Variants in KPNA3 observed in about 807,000 individuals in gnomAD.
KPNA3 encodes the protein karyopherin subunit alpha 3, also known as importin subunit alpha-4.
In KPNA3, 13 loss-of-function variants were observed where a neutral mutation model predicts 73.8. The observed-to-expected ratio is 0.18, with a 90% CI of 0.11 to 0.28. The LOEUF (loss-of-function observed/expected upper bound fraction) is 0.28. Among genes scored for constraint, KPNA3 ranks in the 10% least tolerant of loss-of-function variants. The pLI is 1.00. For missense variants in KPNA3, 360 were observed against 618.1 expected, an observed-to-expected ratio of 0.58 and a Z score of 4.43; for synonymous variants, 186 against 206.9, an observed-to-expected ratio of 0.90 and a Z score of 0.87.
In KPNA3 at chr13:49,757,691, TACAC is replaced by T. The variant is rs111250503; in HGVS notation, c.70-10702_70-10699del. 1.5e-4 allele frequency among the ~76,000 whole-genome samples: 23 copies of T among 150,544 alleles called. No individual in the cohort carries two copies. The South Asian group carries it at 3.4e-3, about 22-fold the overall frequency. ...TATATGAGATAAATGAAAACTCATC[TACAC>T]ACACACACACACACACAACCTGTAC... On this transcript the variant is annotated intron_variant, in intron 1 of 16. Coordinates refer to ENST00000261667, the MANE Select transcript of KPNA3 (RefSeq NM_002267.4).
intron 1 of KPNA3, among the ~76,000 whole-genome samples, chr13:49,772,333 T>C (rs1171304318): frequency 1.3e-5 from 2 of 152,216 alleles, no homozygotes; most frequent in Non-Finnish European, 2.9e-5. Flanking sequence ...ATCAAGAGAA[T>C]GTGAAGAATG....
intron 2 of KPNA3, among the ~76,000 whole-genome samples, chr13:49,733,293 T>TTTTG (rs1954488200): frequency 7.1e-6 from 1 of 141,810 alleles, no homozygotes; most frequent in Non-Finnish European, 1.6e-5. Flanking sequence ...TTTTTTTTTT[T>TTTTG]TTTTTTTTTT....
Position 49,706,185 on chromosome 13 carries a change from G to A in KPNA3, c.1138-16C>T. On this transcript the variant is annotated splice_polypyrimidine_tract_variant and intron_variant, in intron 13 of 16. Transcript: ENST00000261667. ...CAAAGTCCCCCTGAAGGTTAAAAATGAGATCATAAAATGGACTCTTTATCC... is the reference window on the plus strand; with the variant it reads ...CAAAGTCCCCCTGAAGGTTAAAAATAAGATCATAAAATGGACTCTTTATCC... The A allele has an allele frequency of 6.2e-7, 1 of 1,613,206 alleles. No individual in the cohort carries two copies. The highest frequency in any genetic ancestry group is 8.5e-7 in the Non-Finnish European group (1 of 1,179,714).
intron 10 of KPNA3, among the ~76,000 whole-genome samples, chr13:49,716,875 C>T (rs2137540182): frequency 6.6e-6 from 1 of 152,250 alleles, no homozygotes; most frequent in African/African-American, 2.4e-5. Context: ...TCATTCAATG[C>T]CCAGGTTTTC....
chr13:49,737,712 G>A (rs902900750), intron 2 of KPNA3, among the ~76,000 whole-genome samples: 5 of 152,106 alleles, frequency 3.3e-5, no homozygotes, highest in African/African-American at 1.2e-4. Context: ...GGGCTCAAGA[G>A]TTGTTTTTGC....
intron 6 of KPNA3, among the ~76,000 whole-genome samples, chr13:49,729,791 TAAATAA>T (rs995027855): frequency 3.9e-5 from 6 of 152,054 alleles, no homozygotes; most frequent in African/African-American, 1.4e-4. Flanking sequence ...AAAAAATAAA[TAAATAA>T]AAATAAAAAA....
At chr13:49,724,510 T>C (rs1594437028) in intron 7 of KPNA3, among the ~76,000 whole-genome samples, 3 of 152,108 alleles carry the variant, frequency 2.0e-5, no homozygotes, top group East Asian at 1.9e-4. Context: ...GGTTTCACCA[T>C]GTTAGCAAGG....
intron 1 of KPNA3, among the ~76,000 whole-genome samples, chr13:49,756,485 A>G (rs986050499): frequency 6.6e-6 from 1 of 152,174 alleles, no homozygotes; most frequent in Non-Finnish European, 1.5e-5. Flanking sequence ...TGTGTCCAGG[A>G]GTTCAAGGCT....
At chr13:49,792,364 G>A (rs1387923188) in intron 1 of KPNA3, 74 bp downstream of exon 1, 7 of 1,047,128 alleles carry the variant, frequency 6.7e-6, no homozygotes, top group Non-Finnish European at 7.6e-6. Context: ...CCAGCCCGGC[G>A]CCGGCCCCCC....
chr13:49,725,762 C>G (rs763038986), intron 6 of KPNA3, among the ~76,000 whole-genome samples: 3 of 152,036 alleles, frequency 2.0e-5, no homozygotes, highest in Admixed American at 6.6e-5. Context: ...TCGTCTCCAC[C>G]TCCCAAGTAG....
chr13:49,722,054 A>G lies in KPNA3; in HGVS notation c.627T>C (p.Ser209=). The change falls in exon 9 of 17, where the codon AGT becomes AGC. Residue 209 remains serine, a synonymous_variant. Transcript: ENST00000261667. ...GVVKPLLSFI[S]PSIPITFLRN... The stretch of plus-strand genomic sequence containing the variant: ...GAAGGAAGGTGATGGGGATGGAGGG[A>G]CTGATGAAGGACAGAAGAGGTTTGA... The G allele has an allele frequency of 6.2e-7, 1 of 1,612,062 alleles. No individual in the cohort carries two copies. The highest frequency in any genetic ancestry group is 1.3e-5 in the African/African-American group (1 of 74,958).
intron 1 of KPNA3, among the ~76,000 whole-genome samples, chr13:49,751,381 T>C (rs375665227): frequency 2.6e-5 from 4 of 152,220 alleles, no homozygotes; most frequent in African/African-American, 9.6e-5. Flanking sequence ...ACGGCCACTA[T>C]CTAAGAGTAA....
At chr13:49,778,328 C>T (rs918791684) in intron 1 of KPNA3, among the ~76,000 whole-genome samples, 1 of 152,212 alleles carries the variant, frequency 6.6e-6, no homozygotes, top group Non-Finnish European at 1.5e-5. Flanking sequence ...ACTGTTCAAA[C>T]CATGTTCAAA....
chr13:49,725,341 T>C (rs1241292049), intron 7 of KPNA3, 75 bp downstream of exon 7: 4 of 702,846 alleles, frequency 5.7e-6, no homozygotes, highest in African/African-American at 5.5e-5. Context: ...CAAGATAAAA[T>C]TTCTTTATTA....
At chr13:49,755,865 A>C (rs780946015) in intron 1 of KPNA3, among the ~76,000 whole-genome samples, 1 of 152,212 alleles carries the variant, frequency 6.6e-6, no homozygotes, top group Non-Finnish European at 1.5e-5. Flanking sequence ...GGAATATACC[A>C]AAAACTTTCC....
At chr13:49,761,714 G>A (rs1225345567) in intron 1 of KPNA3, among the ~76,000 whole-genome samples, 4 of 152,072 alleles carry the variant, frequency 2.6e-5, no homozygotes, top group Non-Finnish European at 5.9e-5. Context: ...TCTGGGATGT[G>A]AGGAGCCCCT....
chr13:49,723,144 TCA>T (rs1354914379), intron 7 of KPNA3, among the ~76,000 whole-genome samples: 2 of 152,144 alleles, frequency 1.3e-5, no homozygotes, highest in Non-Finnish European at 2.9e-5. Context: ...TTAAATTAAT[TCA>T]GTTTTAACAA....
At chr13:49,782,819 GC>G (rs1954951908) in intron 1 of KPNA3, among the ~76,000 whole-genome samples, 1 of 151,758 alleles carries the variant, frequency 6.6e-6, no homozygotes, top group Admixed American at 6.6e-5. Flanking sequence ...CCGTGATTGT[GC>G]CACTGTACTC....
intron 2 of KPNA3, among the ~76,000 whole-genome samples, chr13:49,743,975 C>G (rs1954595230): frequency 6.6e-6 from 1 of 152,136 alleles, no homozygotes; most frequent in South Asian, 2.1e-4. Flanking sequence ...AATGAAAATC[C>G]AGACAAAAAA....
Sources: allele counts gnomAD v4.1 joint callset (sites outside exome capture counted in the v4.1 genomes callset), GRCh38; gene constraint gnomAD v4.1.1; transcripts MANE v1.5; gene names NCBI Gene and HGNC (gene_info 2026-07-23, HGNC 2026-07-21).